The following MAD1L1 variants were observed in gnomAD, a reference collection of about 807,000 sequenced individuals.
The protein encoded by MAD1L1 is mitotic spindle assembly checkpoint protein MAD1.
Under a neutral mutation model 96.9 loss-of-function variants are expected in MAD1L1, and 95 were observed. The ratio of observed to expected loss-of-function variants is 0.98; its 90% CI spans 0.83 to 1.16. The LOEUF is 1.16. Among genes scored for constraint, MAD1L1 ranks in the 50% most tolerant of loss-of-function variants. The pLI, the probability that MAD1L1 is intolerant of heterozygous loss-of-function variation, is 0.00. For missense variants in MAD1L1, 1,007 were observed against 954.4 expected (o/e 1.06, Z -0.73); for synonymous variants, 473 against 396.6 (o/e 1.19, Z -2.29).
chr7:1,928,339 A>C (rs1789215971), intron 17 of MAD1L1, among the ~76,000 whole-genome samples: 1 of 151,724 alleles, frequency 6.6e-6, no homozygotes, highest in South Asian at 2.1e-4. Flanking sequence ...AGAGGAGCCC[A>C]CGACGGAACT....
At chr7:1,932,513 G>A (rs777039512) in intron 17 of MAD1L1, among the ~76,000 whole-genome samples, 25 of 152,256 alleles carry the variant, frequency 1.6e-4, no homozygotes, top group Non-Finnish European at 3.4e-4. Context: ...GGGGCTATGA[G>A]ATCCCGAGAT....
intron 11 of MAD1L1, among the ~76,000 whole-genome samples, chr7:2,107,980 C>A (rs1787183077): frequency 6.6e-6 from 1 of 152,122 alleles, no homozygotes; most frequent in Non-Finnish European, 1.5e-5. Flanking sequence ...ACCGGCACCC[C>A]CCCACCCCCC....
At chr7:2,217,437 C>G (rs1244707514) in intron 7 of MAD1L1, among the ~76,000 whole-genome samples, 1 of 152,232 alleles carries the variant, frequency 6.6e-6, no homozygotes. Context: ...CCAGGAAGAG[C>G]TGGTGTGAAG....
At chr7:2,059,325 G>C (rs191721859) in intron 12 of MAD1L1, among the ~76,000 whole-genome samples, 77 of 147,844 alleles carry the variant, frequency 5.2e-4, no homozygotes, top group African/African-American at 1.6e-3. Context: ...GGCTGGAGTG[G>C]GAGTGTGGCC....
intron 14 of MAD1L1, among the ~76,000 whole-genome samples, chr7:1,993,461 AAC>A (rs139333008): frequency 0.034 from 5,171 of 152,344 alleles, 184 homozygotes; most frequent in Admixed American, 0.097. Flanking sequence ...AAGAGAAAAT[AAC>A]ACAAAGGTCA....
chr7:2,062,702 T>C (rs533153717), intron 12 of MAD1L1, among the ~76,000 whole-genome samples: 1 of 152,158 alleles, frequency 6.6e-6, no homozygotes, highest in Non-Finnish European at 1.5e-5. Context: ...CTGTCCTGGG[T>C]CTGTAATTTG....
At chr7:2,109,968 C>A (rs1427271156) in intron 11 of MAD1L1, among the ~76,000 whole-genome samples, 2 of 151,568 alleles carry the variant, frequency 1.3e-5, no homozygotes, top group Admixed American at 1.3e-4. Context: ...AGTAAGGGCA[C>A]AAGCGTGGGC....
At chr7:2,086,432 T>C (rs1308147594) in intron 11 of MAD1L1, among the ~76,000 whole-genome samples, 2 of 152,258 alleles carry the variant, frequency 1.3e-5, no homozygotes, top group East Asian at 3.9e-4. Flanking sequence ...AGTCAGTCAG[T>C]GCCAAGGAGC....
At chr7:1,932,708 C>G (rs1376634190) in intron 17 of MAD1L1, among the ~76,000 whole-genome samples, 2 of 152,240 alleles carry the variant, frequency 1.3e-5, no homozygotes, top group African/African-American at 4.8e-5. Flanking sequence ...CCACAGACAG[C>G]CCAGTCTGAG....
At chr7:1,995,787 C>G (rs1781527432) in intron 14 of MAD1L1, among the ~76,000 whole-genome samples, 1 of 151,518 alleles carries the variant, frequency 6.6e-6, no homozygotes, top group Admixed American at 6.5e-5. Flanking sequence ...CATACAGAAC[C>G]CCGGTGCCAC....
intron 18 of MAD1L1, among the ~76,000 whole-genome samples, chr7:1,888,144 C>T (rs987561240): frequency 1.8e-4 from 26 of 144,688 alleles, no homozygotes; most frequent in African/African-American, 6.7e-4. Flanking sequence ...ATGTGGCTGC[C>T]TGTGCATGTG....
chr7:1,995,711 G>A (rs953611462), intron 14 of MAD1L1, among the ~76,000 whole-genome samples: 3 of 152,198 alleles, frequency 2.0e-5, no homozygotes, highest in East Asian at 1.9e-4. Context: ...CAGCGCGCGC[G>A]GGGACATACA....
At chr7:2,176,085 C>T (rs1249325782) in intron 10 of MAD1L1, among the ~76,000 whole-genome samples, 1 of 152,204 alleles carries the variant, frequency 6.6e-6, no homozygotes, top group African/African-American at 2.4e-5. Context: ...CGGTGGCTCA[C>T]ACCTGTAATC....
intron 11 of MAD1L1, among the ~76,000 whole-genome samples, chr7:2,102,919 G>T (rs530051245): frequency 6.6e-6 from 1 of 152,126 alleles, no homozygotes. Flanking sequence ...CTCCTAAAGC[G>T]GGCCTCTCCT....
At chr7:2,095,956 C>T (rs1255575944) in intron 11 of MAD1L1, among the ~76,000 whole-genome samples, 2 of 152,200 alleles carry the variant, frequency 1.3e-5, no homozygotes, top group South Asian at 2.1e-4. Flanking sequence ...AGCGCGGGTC[C>T]GCGGGGAGAC....
chr7:2,111,779 G>C (rs539176494), intron 11 of MAD1L1, among the ~76,000 whole-genome samples: 1 of 152,312 alleles, frequency 6.6e-6, no homozygotes, highest in Admixed American at 6.5e-5. Context: ...GGCCTGTGCG[G>C]AGTGGACCTG....
chr7:1,821,573 G>A (rs554324983), intron 18 of MAD1L1, among the ~76,000 whole-genome samples: 1 of 152,246 alleles, frequency 6.6e-6, no homozygotes, highest in South Asian at 2.1e-4. Flanking sequence ...ACACGAAAAA[G>A]AGTATCACAC....
intron 12 of MAD1L1, among the ~76,000 whole-genome samples, chr7:2,028,050 G>C (rs1164421133): frequency 1.3e-5 from 2 of 152,040 alleles, no homozygotes; most frequent in East Asian, 3.9e-4. Flanking sequence ...ATTATTCAAA[G>C]CACAAACATT....
intron 18 of MAD1L1, among the ~76,000 whole-genome samples, chr7:1,852,166 C>T (rs1199263873): frequency 6.6e-6 from 1 of 152,150 alleles, no homozygotes; most frequent in African/African-American, 2.4e-5. Context: ...AAAGTGCTTC[C>T]TGTGGGGACA....
Sources: allele counts gnomAD v4.1 joint callset (sites outside exome capture counted in the v4.1 genomes callset), GRCh38; gene constraint gnomAD v4.1.1; transcripts MANE v1.5; gene names NCBI Gene and HGNC (gene_info 2026-07-23, HGNC 2026-07-21).